Variants in DNAH14 observed in about 807,000 individuals in gnomAD.
DNAH14 encodes dynein axonemal heavy chain 14.
DNAH14 carries 478 observed loss-of-function variants against 520.9 expected under a neutral mutation model. The observed-to-expected ratio is 0.92, with a 90% CI of 0.85 to 0.99. The LOEUF is 0.99. Among genes scored for constraint, DNAH14 ranks in the 50% least tolerant of loss-of-function variants. The pLI is 0.00. For missense variants in DNAH14, 4,831 were observed against 5,234.5 expected, an observed-to-expected ratio of 0.92 and a Z score of 2.38; for synonymous variants, 1,581 against 1,757.2, an observed-to-expected ratio of 0.90 and a Z score of 2.51.
chr1:225,055,909 C>T (rs141284351), intron 17 of DNAH14, among the ~76,000 whole-genome samples: 8,381 of 152,086 alleles, frequency 0.055, 473 homozygotes, highest in East Asian at 0.24. Context: ...TATATATGTG[C>T]CACATTTTCT....
chr1:225,101,687 A>T (rs2075475404), intron 23 of DNAH14, among the ~76,000 whole-genome samples: 1 of 152,146 alleles, frequency 6.6e-6, no homozygotes, highest in African/African-American at 2.4e-5. Flanking sequence ...AGATGACAAG[A>T]TCTCATTCTC....
In DNAH14 at chr1:225,024,359, A is replaced by G. The variant is rs147114106; in HGVS notation, c.1358+494A>G. 6.8e-4 allele frequency: 450 copies of G among 662,872 alleles called. 2 individuals carry two copies. In the African/African-American group the frequency reaches 8.2e-3, roughly 12 times the overall value. 41.1% of individuals were successfully genotyped at this position (662,872 alleles called of 1,614,324 possible). On this transcript the variant is annotated intron_variant, in intron 11 of 85. Coordinates refer to ENST00000682510, the MANE Select transcript of DNAH14 (RefSeq NM_001367479.1). ...CCAATGAAAAAACTATCTGAAAAACATTTTTACCTTCTAAACACTACTGTT... is the reference window on the plus strand; with the variant it reads ...CCAATGAAAAAACTATCTGAAAAACGTTTTTACCTTCTAAACACTACTGTT...
At chr1:225,086,332 CA>C (rs2148622899) in intron 21 of DNAH14, among the ~76,000 whole-genome samples, 1 of 151,844 alleles carries the variant, frequency 6.6e-6, no homozygotes, top group East Asian at 1.9e-4. Flanking sequence ...GACGGGATTT[CA>C]CTGTGTTAGC....
chr1:225,264,417 G>C (rs1009731956), intron 47 of DNAH14, among the ~76,000 whole-genome samples, 156 bp downstream of exon 47: 5 of 151,996 alleles, frequency 3.3e-5, no homozygotes, highest in African/African-American at 1.2e-4. Flanking sequence ...CTCTCAAACT[G>C]TTCTGTCCTA....
chr1:225,173,787 G>T (rs1441431441), intron 36 of DNAH14, among the ~76,000 whole-genome samples: 1 of 152,162 alleles, frequency 6.6e-6, no homozygotes, highest in Non-Finnish European at 1.5e-5. Flanking sequence ...TATAAATCAT[G>T]CTAGTATAAA....
chr1:225,263,203 C>T (rs785181), intron 46 of DNAH14, among the ~76,000 whole-genome samples: 48,056 of 149,564 alleles, frequency 0.32, 8,948 homozygotes, highest in East Asian at 0.61. Context: ...TATATATATA[C>T]ACACACATAT....
chr1:225,344,168 C>T lies in DNAH14; in HGVS notation c.10679-1794C>T, dbSNP rs1338793856. On this transcript the variant is annotated intron_variant, in intron 69 of 85. Transcript: ENST00000682510. ...TTGAAAAAAACTAAATTAAGAGATGCCTTGATTATATACATAATTTTTCCT... is the reference window on the plus strand; with the variant it reads ...TTGAAAAAAACTAAATTAAGAGATGTCTTGATTATATACATAATTTTTCCT... Among the ~76,000 whole-genome samples, 3 of 150,506 alleles carry T rather than the reference C, an allele frequency of 2.0e-5. No individual in the cohort carries two copies. The South Asian group carries it at 6.3e-4, about 32-fold the overall frequency.
chr1:225,033,166 G>C (rs1035591908), intron 11 of DNAH14, among the ~76,000 whole-genome samples: 1 of 152,108 alleles, frequency 6.6e-6, no homozygotes, highest in African/African-American at 2.4e-5. Flanking sequence ...CCTGTGTCCA[G>C]AATGGTACTG....
chr1:225,357,082 C>T (rs575775685), intron 73 of DNAH14, among the ~76,000 whole-genome samples: 6 of 152,244 alleles, frequency 3.9e-5, no homozygotes, highest in African/African-American at 1.4e-4. Context: ...GAAGCTTGCC[C>T]TAGAGAAGGA....
chr1:225,391,854 C>A (rs1318987103), intron 83 of DNAH14, among the ~76,000 whole-genome samples: 1 of 152,150 alleles, frequency 6.6e-6, no homozygotes, highest in Non-Finnish European at 1.5e-5. Context: ...ACCCTAGAGG[C>A]AACAGAGCCT....
intron 7 of DNAH14, among the ~76,000 whole-genome samples, chr1:224,972,220 T>A (rs1351547283): frequency 2.0e-5 from 3 of 152,158 alleles, no homozygotes. Flanking sequence ...AATTTTATAT[T>A]TACTTAATTT....
At chr1:224,981,672 T>G (rs1263816681) in intron 8 of DNAH14, among the ~76,000 whole-genome samples, 1 of 152,222 alleles carries the variant, frequency 6.6e-6, no homozygotes. Context: ...TTGGATTTTC[T>G]TTCTTCTTTT....
At chr1:225,233,784 A>G (rs2091335598) in intron 42 of DNAH14, among the ~76,000 whole-genome samples, 1 of 152,062 alleles carries the variant, frequency 6.6e-6, no homozygotes, top group Admixed American at 6.5e-5. Context: ...GATGCTCTTT[A>G]GTTTGATTAG....
Position 225,357,012 on chromosome 1 carries a change from C to A in DNAH14, c.11620-1484C>A, listed in dbSNP as rs572664135. 2.0e-5 allele frequency among the ~76,000 whole-genome samples: 3 copies of A among 152,066 alleles called. No homozygotes were observed. The South Asian group carries it at 6.2e-4, about 32-fold the overall frequency. On this transcript the variant is annotated intron_variant, in intron 73 of 85. Coordinates refer to ENST00000682510, the MANE Select transcript of DNAH14 (RefSeq NM_001367479.1). ...GTTAGTTATTTAAAACTGAGCCTGACCTGTAAGAGTTAGAAATTGAGATTG... is the reference window on the plus strand; with the variant it reads ...GTTAGTTATTTAAAACTGAGCCTGAACTGTAAGAGTTAGAAATTGAGATTG...
chr1:225,018,389 C>G (rs1506068), intron 10 of DNAH14, among the ~76,000 whole-genome samples: 2 of 152,128 alleles, frequency 1.3e-5, no homozygotes. Flanking sequence ...ATACGGGATT[C>G]TGTAAAGAGA....
intron 20 of DNAH14, among the ~76,000 whole-genome samples, chr1:225,085,283 C>G (rs570287965): frequency 1.8e-4 from 27 of 152,204 alleles, no homozygotes; most frequent in Admixed American, 9.8e-4. Context: ...GGTGTATACT[C>G]TTTATAACTG....
At chr1:225,105,936 T>A (rs2076006854) in intron 23 of DNAH14, among the ~76,000 whole-genome samples, 1 of 143,524 alleles carries the variant, frequency 7.0e-6, no homozygotes, top group Admixed American at 6.8e-5. Flanking sequence ...ATTATGATGT[T>A]AGCTGGTTAT....
At chr1:225,348,558 G>T (rs1296274573) in intron 71 of DNAH14, among the ~76,000 whole-genome samples, 1 of 152,066 alleles carries the variant, frequency 6.6e-6, no homozygotes, top group East Asian at 1.9e-4. Context: ...CAAACTAGAG[G>T]GAGTGAGATA....
In DNAH14 at chr1:225,308,257, T is replaced by C. The variant is rs746531553; in HGVS notation, c.9115-28T>C. On this transcript the variant is annotated intron_variant, in intron 59 of 85. Transcript: ENST00000682510. ...AAGAGATCATGTCTCTTAAAATTCATTCTAAGAACAATTATGTGCTTCATT... is the reference window on the plus strand; with the variant it reads ...AAGAGATCATGTCTCTTAAAATTCACTCTAAGAACAATTATGTGCTTCATT... The C allele has an allele frequency of 4.0e-6, 6 of 1,517,986 alleles. No homozygotes were observed. The South Asian group carries it at 7.8e-5, about 20-fold the overall frequency. The allele number at this position is 1,517,986 out of a possible 1,614,324, so 94.0% of individuals were successfully genotyped here.
Sources: gnomAD v4.1 joint callset for allele counts (sites outside exome capture counted in the v4.1 genomes callset) on GRCh38, gnomAD v4.1.1 for gene constraint, MANE v1.5 for transcripts, NCBI Gene and HGNC (gene_info 2026-07-23, HGNC 2026-07-21) for gene names.